NXN: variants seen among roughly 807,000 people sequenced by gnomAD.
NXN encodes the protein nucleoredoxin.
A neutral mutation model predicts 48.6 loss-of-function variants in NXN; 16 were observed. That is an observed-to-expected ratio of 0.33 (90% CI 0.22 to 0.50). The LOEUF (loss-of-function observed/expected upper bound fraction) is 0.50. NXN is among the 20% of genes least tolerant of loss of function. The pLI is 0.98. For missense variants in NXN, 492 were observed against 605.5 expected, an observed-to-expected ratio of 0.81 and a Z score of 1.97; for synonymous variants, 281 against 269.6, an observed-to-expected ratio of 1.04 and a Z score of -0.41.
rs557872687 is a variant in NXN, at chr17:849,856, G to A, written c.361-23778C>T. 7.2e-5 allele frequency among the ~76,000 whole-genome samples: 11 copies of A among 152,208 alleles called. No individual in the cohort carries two copies. Among genetic ancestry groups the A allele is most frequent in the African/African-American group, 2.6e-4 (11 of 41,534 alleles). ...GACGGAGAGGAGGACAGATAAGGAG[G>A]GGCAGGAGAGACACCAGAGTCAGAG... On this transcript the variant is annotated intron_variant, in intron 1 of 7. Transcript: ENST00000336868. The surrounding 1 kb of genome is among the most constrained non-coding windows in gnomAD (Gnocchi z 4.2).
intron 1 of NXN, among the ~76,000 whole-genome samples, chr17:866,160 C>T (rs1359531133): frequency 6.6e-6 from 1 of 151,932 alleles, no homozygotes; most frequent in Non-Finnish European, 1.5e-5. Context: ...GTCGGCTATG[C>T]CGATAGGAAG....
In NXN at chr17:979,457, G is replaced by A. The variant is rs770811508; in HGVS notation, c.222C>T (p.Ala74=). Reference sequence around the variant, plus strand: ...GCGGCTCGGGCTCCGCCGCCGCCCCGGCCCCCGCTCCCGGCCCCGGCCCGG... The same window carrying A: ...GCGGCTCGGGCTCCGCCGCCGCCCCAGCCCCCGCTCCCGGCCCCGGCCCGG... The part of the protein sequence containing the change: ...AAAGPGPGAG[A]GAAAEPEPRR... The change falls in exon 1 of 8, where the codon GCC becomes GCT. Residue 74 remains alanine, a synonymous_variant. Coordinates refer to ENST00000336868, the MANE Select transcript of NXN (RefSeq NM_022463.5). 10 of 1,220,940 alleles carry A rather than the reference G, an allele frequency of 8.2e-6. No individual in the cohort carries two copies. In the East Asian group the frequency reaches 1.9e-4, roughly 23 times the overall value. The allele number at this position is 1,220,940 out of a possible 1,614,324, so 75.6% of individuals were successfully genotyped here. A position where few individuals can be genotyped will look rare whatever the true frequency, so the allele number is the denominator to read the frequency against.
At chr17:953,979 T>C (rs990375455) in intron 1 of NXN, among the ~76,000 whole-genome samples, 2 of 152,172 alleles carry the variant, frequency 1.3e-5, no homozygotes, top group Non-Finnish European at 1.5e-5. Context: ...GGCTCCTCTC[T>C]GTCTAGCAAA....
intron 1 of NXN, among the ~76,000 whole-genome samples, chr17:916,411 C>T (rs1456205617): frequency 3.6e-4 from 54 of 152,100 alleles, no homozygotes; most frequent in Admixed American, 6.6e-5. Flanking sequence ...CCTTGTTTTA[C>T]GTAAAATTAA....
intron 1 of NXN, among the ~76,000 whole-genome samples, chr17:868,129 C>T (rs1184869778): frequency 2.0e-5 from 3 of 152,172 alleles, no homozygotes. Flanking sequence ...AGAGTCATCT[C>T]CCTCCCTTCA....
intron 1 of NXN, among the ~76,000 whole-genome samples, chr17:935,655 A>G (rs958386411): frequency 6.6e-6 from 1 of 152,168 alleles, no homozygotes; most frequent in African/African-American, 2.4e-5. Context: ...GAACACGCCC[A>G]GGAATCACAG....
At chr17:856,977 T>C (rs1393623511) in intron 1 of NXN, among the ~76,000 whole-genome samples, 2 of 152,142 alleles carry the variant, frequency 1.3e-5, no homozygotes. Flanking sequence ...CGTCACCCAG[T>C]TCCAGAGCTA....
At chr17:822,560 C>G in intron 3 of NXN, 103 bp from the exon 4 acceptor site, 1 of 755,130 alleles carries the variant, frequency 1.3e-6, no homozygotes, top group Non-Finnish European at 2.3e-6. Flanking sequence ...AGGACTGGGA[C>G]AGCAAAATCC....
At chr17:866,134 G>T (rs1039732364) in intron 1 of NXN, among the ~76,000 whole-genome samples, 1 of 152,144 alleles carries the variant, frequency 6.6e-6, no homozygotes, top group African/African-American at 2.4e-5. Flanking sequence ...TGCTGTTATT[G>T]CAACAATTAA....
At chr17:896,794 A>T in intron 1 of NXN, 1 of 1,048,832 alleles carries the variant, frequency 9.5e-7, no homozygotes, top group Non-Finnish European at 1.2e-6. Flanking sequence ...TAAATTCTCT[A>T]CAATAGACAC....
At chr17:882,912 G>A (rs9907682) in intron 1 of NXN, among the ~76,000 whole-genome samples, 30,004 of 151,712 alleles carry the variant, frequency 0.2, 3,046 homozygotes, top group Middle Eastern at 0.34. Context: ...ACAGGCGCCC[G>A]CCACCACGCC....
chr17:824,414 G>A (rs893249600), intron 2 of NXN, among the ~76,000 whole-genome samples: 5 of 152,158 alleles, frequency 3.3e-5, no homozygotes, highest in East Asian at 1.9e-4. Flanking sequence ...CAGGGGCAAC[G>A]CAAAGATGTA....
At chr17:904,446 T>C (rs1163585380) in intron 1 of NXN, among the ~76,000 whole-genome samples, 2 of 152,178 alleles carry the variant, frequency 1.3e-5, no homozygotes. Context: ...GTAAAGTCTC[T>C]CTCTCTGATG....
intron 1 of NXN, among the ~76,000 whole-genome samples, chr17:960,847 G>A (rs113859171): frequency 0.1 from 14,687 of 146,588 alleles, 2,292 homozygotes; most frequent in African/African-American, 0.33. Context: ...GTGCAGTGGC[G>A]CAATCTCGGC....
intron 1 of NXN, among the ~76,000 whole-genome samples, chr17:872,684 A>C (rs1169699044): frequency 7.2e-6 from 1 of 139,478 alleles, no homozygotes; most frequent in Non-Finnish European, 1.5e-5. Context: ...GTGATGGTGC[A>C]ATCTCAGCTC....
At position 958,661 on chromosome 17, in the gene NXN, C is replaced by T. The variant is rs559968120; in HGVS notation, c.360+20658G>A. Among the ~76,000 whole-genome samples, 2 of 152,278 alleles carry T rather than the reference C, an allele frequency of 1.3e-5. No homozygotes were observed. The highest frequency in any genetic ancestry group is 6.5e-5 in the Admixed American group (1 of 15,278). On this transcript the variant is annotated intron_variant, in intron 1 of 7. Transcript: ENST00000336868. This position sits in a 1 kb window ranked among gnomAD's most constrained non-coding sequence, Gnocchi z 6.9. ...TGGCGTGCGCCTGTAGTCCCAGCTA[C>T]TCAGGAGGCTGAGGCAGGAGAATCA...
At chr17:839,507 A>C (rs1034549825) in intron 1 of NXN, among the ~76,000 whole-genome samples, 2 of 151,138 alleles carry the variant, frequency 1.3e-5, no homozygotes, top group Non-Finnish European at 2.9e-5. Flanking sequence ...GAGGAGGAGG[A>C]TATCTGAAAA....
chr17:958,136 T>C lies in NXN; in HGVS notation c.360+21183A>G, dbSNP rs995168680. Among the ~76,000 whole-genome samples the C allele has an allele frequency of 1.3e-5, 2 of 152,074 alleles. No homozygotes were observed. The highest frequency in any genetic ancestry group is 4.8e-5 in the African/African-American group (2 of 41,394). On this transcript the variant is annotated intron_variant, in intron 1 of 7. Coordinates refer to ENST00000336868, the MANE Select transcript of NXN (RefSeq NM_022463.5). This position sits in a 1 kb window ranked among gnomAD's most constrained non-coding sequence, Gnocchi z 6.9. Reference sequence around the variant, plus strand: ...CACGGCTATTTATATCTGGAATATCTCTCTGTCTTAATCCACTGGACTACC... The same window carrying C: ...CACGGCTATTTATATCTGGAATATCCCTCTGTCTTAATCCACTGGACTACC...
intron 1 of NXN, among the ~76,000 whole-genome samples, chr17:833,037 C>A (rs1393576078): frequency 6.6e-6 from 1 of 151,998 alleles, no homozygotes; most frequent in East Asian, 1.9e-4. Context: ...ACTACAGGCA[C>A]CTGCCACCAC....
Sources: gnomAD v4.1 joint callset for allele counts (sites outside exome capture counted in the v4.1 genomes callset) on GRCh38, gnomAD v4.1.1 for gene constraint, Gnocchi (gnomAD v3.1) non-coding constraint, MANE v1.5 for transcripts, NCBI Gene and HGNC (gene_info 2026-07-23, HGNC 2026-07-21) for gene names.